The following FAM83B variants were observed in gnomAD, a reference collection of about 807,000 sequenced individuals.
FAM83B encodes the protein protein FAM83B.
Under a neutral mutation model 38.8 loss-of-function variants are expected in FAM83B, and 26 were observed. The observed-to-expected ratio is 0.67, with a 90% CI of 0.49 to 0.93. The LOEUF (loss-of-function observed/expected upper bound fraction) is 0.93, where lower values mean the gene tolerates loss of function less well. Ranked by LOEUF, FAM83B falls within the 40% of genes least tolerant of loss-of-function variation. The probability of loss-of-function intolerance (pLI) is 0.00; values close to 1 mark genes in which losing one functional copy is unlikely to be tolerated. For synonymous variants in FAM83B, 419 were observed against 423.1 expected (o/e 0.99, Z 0.12); for missense variants, 1,237 against 1,197.3 (o/e 1.03, Z -0.49).
chr6:54,900,648 G>A (rs1772641670), intron 2 of FAM83B, among the ~76,000 whole-genome samples: 1 of 152,174 alleles, frequency 6.6e-6, no homozygotes, highest in Non-Finnish European at 1.5e-5. Flanking sequence ...GTAGAAATAA[G>A]TATGTGTCAG....
chr6:54,942,051 A>G lies in FAM83B; in HGVS notation c.*44A>G. 1 of 1,543,348 alleles carries G rather than the reference A, an allele frequency of 6.5e-7. No individual in the cohort carries two copies. The highest frequency in any genetic ancestry group is 8.7e-7 in the Non-Finnish European group (1 of 1,147,300). On this transcript the variant is annotated 3_prime_UTR_variant, in exon 5 of 5. Transcript: ENST00000306858. ...AATGAGGCTATCAATATTTGTCCAA[A>G]GAAAATTGTGGACAGTCTTTGTAAC...
intron 2 of FAM83B, among the ~76,000 whole-genome samples, chr6:54,876,327 G>GCT (rs762709519): frequency 4.6e-5 from 4 of 86,962 alleles, no homozygotes; most frequent in African/African-American, 1.8e-4. Context: ...ATATGTTTTT[G>GCT]TTTTTTTTTT....
At chr6:54,913,926 AC>A (rs1268670828) in intron 2 of FAM83B, among the ~76,000 whole-genome samples, 4 of 151,888 alleles carry the variant, frequency 2.6e-5, no homozygotes, top group Non-Finnish European at 4.4e-5. Context: ...TTGAAAACAT[AC>A]CCCATGTGTA....
chr6:54,860,121 A>G (rs1025328909), intron 1 of FAM83B, among the ~76,000 whole-genome samples: 1 of 152,114 alleles, frequency 6.6e-6, no homozygotes, highest in African/African-American at 2.4e-5. Flanking sequence ...TTGCTCTTAT[A>G]TAGTTTTGTA....
intron 4 of FAM83B, among the ~76,000 whole-genome samples, chr6:54,928,929 A>G (rs1057349921): frequency 1.3e-5 from 2 of 152,128 alleles, no homozygotes; most frequent in African/African-American, 4.8e-5. Context: ...GTGGGGGAAA[A>G]TCAAACAGCA....
intron 4 of FAM83B, among the ~76,000 whole-genome samples, chr6:54,937,688 G>A (rs190932064): frequency 1.7e-3 from 255 of 152,128 alleles, no homozygotes; most frequent in Non-Finnish European, 3.0e-3. Context: ...CATTGGACAC[G>A]AGGAAAGTGA....
At chr6:54,882,422 A>G (rs1278471115) in intron 2 of FAM83B, among the ~76,000 whole-genome samples, 2 of 152,126 alleles carry the variant, frequency 1.3e-5, no homozygotes, top group Non-Finnish European at 2.9e-5. Context: ...TTTAGAGGTG[A>G]GGAATAAAAA....
At chr6:54,895,572 A>G (rs1276167130) in intron 2 of FAM83B, among the ~76,000 whole-genome samples, 1 of 152,232 alleles carries the variant, frequency 6.6e-6, no homozygotes, top group Non-Finnish European at 1.5e-5. Context: ...ACACATTTAC[A>G]TATCAAGCAT....
At chr6:54,863,090 C>T (rs1399058261) in intron 1 of FAM83B, among the ~76,000 whole-genome samples, 1 of 152,110 alleles carries the variant, frequency 6.6e-6, no homozygotes, top group African/African-American at 2.4e-5. Context: ...CCTCACAGAT[C>T]TTTTGAGCGG....
chr6:54,912,580 A>G (rs1247562700), intron 2 of FAM83B, among the ~76,000 whole-genome samples: 1 of 151,780 alleles, frequency 6.6e-6, no homozygotes, highest in Non-Finnish European at 1.5e-5. Context: ...TATTATATTT[A>G]TATATTGTTT....
intron 2 of FAM83B, among the ~76,000 whole-genome samples, chr6:54,879,244 G>A (rs1031934777): frequency 2.0e-5 from 3 of 152,192 alleles, no homozygotes; most frequent in Non-Finnish European, 4.4e-5. Flanking sequence ...GAACAGTCCT[G>A]ACCCTGAGGA....
intron 2 of FAM83B, among the ~76,000 whole-genome samples, chr6:54,917,919 T>A (rs886472654): frequency 6.6e-6 from 1 of 152,150 alleles, no homozygotes; most frequent in African/African-American, 2.4e-5. Flanking sequence ...TATCTGTTTT[T>A]ACTCTGAATT....
At chr6:54,907,866 G>C (rs1341233971) in intron 2 of FAM83B, among the ~76,000 whole-genome samples, 1 of 152,022 alleles carries the variant, frequency 6.6e-6, no homozygotes, top group African/African-American at 2.4e-5. Flanking sequence ...AAGGTCATAA[G>C]TATTATGAGA....
intron 2 of FAM83B, among the ~76,000 whole-genome samples, chr6:54,886,221 A>G (rs1170733758): frequency 6.6e-6 from 1 of 152,104 alleles, no homozygotes; most frequent in Non-Finnish European, 1.5e-5. Context: ...TTATGTTCAG[A>G]AGAAATACTG....
intron 1 of FAM83B, among the ~76,000 whole-genome samples, chr6:54,859,344 G>A (rs896595009): frequency 6.6e-6 from 1 of 152,172 alleles, no homozygotes; most frequent in Non-Finnish European, 1.5e-5. Flanking sequence ...ACCAGCATGA[G>A]CCACTGCACC....
intron 2 of FAM83B, among the ~76,000 whole-genome samples, chr6:54,901,420 G>GATAA (rs145347197): frequency 0.2 from 30,233 of 151,986 alleles, 3,386 homozygotes; most frequent in African/African-American, 0.31. Context: ...CCTGTTACAA[G>GATAA]ATAGTTTTAT....
intron 1 of FAM83B, among the ~76,000 whole-genome samples, chr6:54,851,710 A>T (rs9475043): frequency 8.1e-6 from 1 of 122,976 alleles, no homozygotes; most frequent in Non-Finnish European, 1.7e-5. Flanking sequence ...TGCAGTGGCG[A>T]GATCTGGGCT....
chr6:54,894,808 G>C (rs1297617021), intron 2 of FAM83B, among the ~76,000 whole-genome samples: 1 of 152,146 alleles, frequency 6.6e-6, no homozygotes, highest in Non-Finnish European at 1.5e-5. Flanking sequence ...TGATATTGTG[G>C]TTTTTGAAAA....
At chr6:54,884,868 G>A (rs987432763) in intron 2 of FAM83B, among the ~76,000 whole-genome samples, 3 of 151,548 alleles carry the variant, frequency 2.0e-5, no homozygotes, top group African/African-American at 7.3e-5. Context: ...CGCCTCCCGG[G>A]TTCACGCCAT....
Sources: gnomAD v4.1 joint callset for allele counts (sites outside exome capture counted in the v4.1 genomes callset) on GRCh38, gnomAD v4.1.1 for gene constraint, MANE v1.5 for transcripts, NCBI Gene and HGNC (gene_info 2026-07-23, HGNC 2026-07-21) for gene names.